The following ERBB4 variants were observed in gnomAD, a reference collection of about 807,000 sequenced individuals.
ERBB4 encodes the protein erb-b2 receptor tyrosine kinase 4, also known as receptor tyrosine-protein kinase erbB-4.
ERBB4 carries 42 observed loss-of-function variants against 158.0 expected under a neutral mutation model. That is an observed-to-expected ratio of 0.27 (90% CI 0.21 to 0.34). The LOEUF (loss-of-function observed/expected upper bound fraction) is 0.34, where lower values mean the gene tolerates loss of function less well. ERBB4 is among the 10% of genes least tolerant of loss of function. The pLI, the probability that ERBB4 is intolerant of heterozygous loss-of-function variation, is 1.00. For synonymous variants in ERBB4, 583 were observed against 558.7 expected, an observed-to-expected ratio of 1.04 and a Z score of -0.61; for missense variants, 1,333 against 1,624.1, an observed-to-expected ratio of 0.82 and a Z score of 3.08.
At chr2:212,203,437 A>C (rs1295996583) in intron 1 of ERBB4, among the ~76,000 whole-genome samples, 3 of 152,182 alleles carry the variant, frequency 2.0e-5, no homozygotes, top group Non-Finnish European at 4.4e-5. Flanking sequence ...AGATGAGCTC[A>C]AGACACAATG....
chr2:212,293,154 A>C (rs927776088), intron 1 of ERBB4, among the ~76,000 whole-genome samples: 1 of 152,038 alleles, frequency 6.6e-6, no homozygotes, highest in African/African-American at 2.4e-5. Flanking sequence ...ATGAAGACCT[A>C]AGAAGTAAAA....
chr2:212,231,298 A>T (rs2083657451), intron 1 of ERBB4, among the ~76,000 whole-genome samples: 1 of 152,230 alleles, frequency 6.6e-6, no homozygotes, highest in African/African-American at 2.4e-5. Flanking sequence ...AAAGGAAAAA[A>T]AAAACAGGTT....
chr2:211,530,183 A>G (rs1471170252), intron 20 of ERBB4, among the ~76,000 whole-genome samples: 1 of 152,180 alleles, frequency 6.6e-6, no homozygotes, highest in Non-Finnish European at 1.5e-5. Flanking sequence ...TATAGAAATC[A>G]TTAGCATTTC....
At chr2:211,883,646 C>T (rs546849703) in intron 3 of ERBB4, among the ~76,000 whole-genome samples, 9 of 151,758 alleles carry the variant, frequency 5.9e-5, no homozygotes, top group South Asian at 2.1e-4. Flanking sequence ...ATTATCCTGG[C>T]GTTGTCGTGG....
At chr2:212,495,452 A>G (rs79656376) in intron 1 of ERBB4, among the ~76,000 whole-genome samples, 4,916 of 152,286 alleles carry the variant, frequency 0.032, 274 homozygotes, top group African/African-American at 0.11. Flanking sequence ...TTATTTGCCT[A>G]TTAAAAGGGC....
intron 12 of ERBB4, among the ~76,000 whole-genome samples, chr2:211,679,619 A>G (rs1245747583): frequency 6.6e-6 from 1 of 152,192 alleles, no homozygotes; most frequent in African/African-American, 2.4e-5. Context: ...AGAGGAAGAG[A>G]AAGAAAAAGA....
At chr2:212,140,573 T>C (rs2080429155) in intron 1 of ERBB4, among the ~76,000 whole-genome samples, 1 of 150,852 alleles carries the variant, frequency 6.6e-6, no homozygotes, top group Admixed American at 6.6e-5. Flanking sequence ...TTCTATAATA[T>C]GCCATTTCTT....
At chr2:212,124,979 ACTCT>A in intron 1 of ERBB4, 76 bp from the exon 2 acceptor site, 1 of 1,528,616 alleles carries the variant, frequency 6.5e-7, no homozygotes, top group Non-Finnish European at 9.0e-7. Flanking sequence ...CTTTCTCAAA[ACTCT>A]CTATTCCACA....
At chr2:212,529,218 T>C (rs1692613772) in intron 1 of ERBB4, among the ~76,000 whole-genome samples, 1 of 152,146 alleles carries the variant, frequency 6.6e-6, no homozygotes, top group South Asian at 2.1e-4. Flanking sequence ...ATTGCTTAAA[T>C]TGATTAAATG....
chr2:212,045,740 C>T (rs534414071), intron 2 of ERBB4, among the ~76,000 whole-genome samples: 27 of 152,116 alleles, frequency 1.8e-4, no homozygotes, highest in Non-Finnish European at 3.1e-4. Flanking sequence ...ATGAACAAAC[C>T]GCTACTGTGT....
At chr2:212,003,212 AGAAG>A (rs201981636) in intron 2 of ERBB4, among the ~76,000 whole-genome samples, 468 of 40,422 alleles carry the variant, frequency 0.012, 9 homozygotes, top group South Asian at 0.032. Flanking sequence ...AAAGACAGAA[AGAAG>A]GAAGGAAGGA....
At chr2:211,445,137 T>C (rs955357541) in intron 20 of ERBB4, among the ~76,000 whole-genome samples, 30 of 152,126 alleles carry the variant, frequency 2.0e-4, no homozygotes, top group African/African-American at 7.2e-4. Context: ...TAATTGTGAT[T>C]ACCTAACATG....
chr2:212,120,034 T>A (rs781674681), intron 2 of ERBB4, among the ~76,000 whole-genome samples: 32 of 152,054 alleles, frequency 2.1e-4, no homozygotes, highest in Non-Finnish European at 4.0e-4. Flanking sequence ...GAAATTACTA[T>A]AAAGTTGCAA....
chr2:211,774,087 T>C (rs1263600819), intron 4 of ERBB4, among the ~76,000 whole-genome samples: 1 of 151,414 alleles, frequency 6.6e-6, no homozygotes, highest in African/African-American at 2.4e-5. Flanking sequence ...TTTTTTTTTT[T>C]CTTGAGATGG....
chr2:212,142,791 C>T (rs983862109), intron 1 of ERBB4, among the ~76,000 whole-genome samples: 1 of 151,750 alleles, frequency 6.6e-6, no homozygotes, highest in African/African-American at 2.4e-5. Flanking sequence ...ATGAAACTGT[C>T]CACCTTTATG....
chr2:212,303,524 A>G (rs1264328140), intron 1 of ERBB4, among the ~76,000 whole-genome samples: 1 of 151,472 alleles, frequency 6.6e-6, no homozygotes, highest in Non-Finnish European at 1.5e-5. Flanking sequence ...TTAAGCCCTG[A>G]AAGTTGTAAA....
intron 1 of ERBB4, among the ~76,000 whole-genome samples, chr2:212,192,015 T>TTA (rs1320408310): frequency 2.3e-5 from 1 of 43,372 alleles, no homozygotes; most frequent in Non-Finnish European, 5.0e-5. Context: ...ATAATATATG[T>TTA]TATATGTTAT....
intron 2 of ERBB4, among the ~76,000 whole-genome samples, chr2:211,958,905 G>C (rs1173698067): frequency 6.6e-6 from 1 of 151,272 alleles, no homozygotes; most frequent in African/African-American, 2.4e-5. Flanking sequence ...CTCAAAATCA[G>C]CATTCTCTTA....
At chr2:212,468,786 G>C (rs1347944330) in intron 1 of ERBB4, among the ~76,000 whole-genome samples, 1 of 152,142 alleles carries the variant, frequency 6.6e-6, no homozygotes, top group African/African-American at 2.4e-5. Context: ...AAAACTGTCA[G>C]TTCAAAGGAG....
Sources: gnomAD v4.1 joint callset for allele counts (sites outside exome capture counted in the v4.1 genomes callset) on GRCh38, gnomAD v4.1.1 for gene constraint, MANE v1.5 for transcripts, NCBI Gene and HGNC (gene_info 2026-07-23, HGNC 2026-07-21) for gene names.